MFN1: variants seen among roughly 807,000 people sequenced by gnomAD.
MFN1 encodes mitofusin-1.
In MFN1, 65 loss-of-function variants were observed where a neutral mutation model predicts 92.4. That is an observed-to-expected ratio of 0.70 (90% CI 0.58 to 0.86). The LOEUF is 0.86. Ranked by LOEUF, MFN1 falls within the 40% of genes least tolerant of loss-of-function variation. MFN1 has a pLI of 0.00. For synonymous variants in MFN1, 297 were observed against 300.9 expected (o/e 0.99, Z 0.13); for missense variants, 781 against 868.0 (o/e 0.90, Z 1.26).
In MFN1 at chr3:179,367,485, A is replaced by T. The variant is rs1712840570; in HGVS notation, c.800A>T (p.Glu267Val). Residue 267 changes from glutamate to valine, a missense_variant, in exon 8 of 18, where the codon GAG becomes GTG. Transcript: ENST00000471841. ...MERCLHFLVE[E>V]LKVVNALEAQ... ...AGATGCCTGCATTTCTTGGTGGAGG[A>T]GCTCAAAGTTGTAAATGCTTTAGAA... is the stretch of plus-strand genomic sequence containing the variant. The T allele has an allele frequency of 6.2e-7, 1 of 1,613,324 alleles. No individual in the cohort carries two copies. Among genetic ancestry groups the T allele is most frequent in the Non-Finnish European group, 8.5e-7 (1 of 1,179,714 alleles).
At chr3:179,359,197 C>T (rs1273853625) in intron 4 of MFN1, among the ~76,000 whole-genome samples, 195 bp downstream of exon 4, 7 of 151,812 alleles carry the variant, frequency 4.6e-5, no homozygotes, top group African/African-American at 1.2e-4. Flanking sequence ...CTCGGCTCAC[C>T]GCAACCTCTG....
rs1388612377 is a variant in MFN1 at position 179,394,483 on chromosome 3, T to A, written c.*2424T>A. On this transcript the variant is annotated 3_prime_UTR_variant, in exon 18 of 18. Coordinates refer to ENST00000471841, the MANE Select transcript of MFN1 (RefSeq NM_033540.3). ...CAGGCTGGAGTGCAGTGGCGCGATC[T>A]CGGCTCACTGCAAGCTCCGCCTCCC... is the stretch of plus-strand genomic sequence containing the variant. 7.2e-6 allele frequency: 1 copy of A among 139,014 alleles called. No individual in the cohort carries two copies. The highest frequency in any genetic ancestry group is 2.7e-5 in the African/African-American group (1 of 37,388). The allele number at this position is 139,014 out of a possible 1,614,324, so 8.6% of individuals were successfully genotyped here. A position where few individuals can be genotyped will look rare whatever the true frequency, so the allele number is the denominator to read the frequency against.
At chr3:179,372,005 C>A (rs914391053) in intron 9 of MFN1, among the ~76,000 whole-genome samples, 7 of 147,372 alleles carry the variant, frequency 4.7e-5, no homozygotes, top group African/African-American at 1.7e-4. Flanking sequence ...GGGGGTCATA[C>A]ATTTTATATA....
Position 179,390,063 on chromosome 3 carries a change from T to A in MFN1, c.2072T>A (p.Leu691Gln). The change falls in exon 17 of 18, where the codon CTG (leucine) becomes CAG (glutamine). Residue 691 changes from leucine (L) to glutamine (Q), a missense_variant. Physicochemically the swap from Leu to Gln is moderately radical, Grantham distance 113. Coordinates refer to ENST00000471841, the MANE Select transcript of MFN1 (RefSeq NM_033540.3). ...CQQVDITQKQ[L>Q]EEEIARLPKE... ...CAAGTTGATATTACTCAAAAACAGC[T>A]GGAAGAAGAAATTGCTAGATTACCC... The A allele has an allele frequency of 6.2e-7, 1 of 1,605,868 alleles. No homozygotes were observed. The highest frequency in any genetic ancestry group is 8.5e-7 in the Non-Finnish European group (1 of 1,177,820).
At chr3:179,362,208 T>A (rs992119301) in intron 4 of MFN1, 150 bp from the exon 5 acceptor site, 2 of 726,722 alleles carry the variant, frequency 2.8e-6, no homozygotes, top group East Asian at 3.4e-5. Context: ...ATTTAAAAAT[T>A]CAGGTTCTCA....
At chr3:179,368,157 A>G in intron 9 of MFN1, 54 bp downstream of exon 9, 1 of 1,356,812 alleles carries the variant, frequency 7.4e-7, no homozygotes, top group South Asian at 1.6e-5. Flanking sequence ...TTGGTTGGAG[A>G]AAGCATAATC....
chr3:179,369,171 C>G (rs1712922553), intron 9 of MFN1, among the ~76,000 whole-genome samples: 1 of 151,854 alleles, frequency 6.6e-6, no homozygotes, highest in African/African-American at 2.4e-5. Context: ...TGTTTTTTTT[C>G]TTTTCCTTTT....
At chr3:179,379,090 C>T (rs1220810349) in intron 14 of MFN1, among the ~76,000 whole-genome samples, 1 of 152,142 alleles carries the variant, frequency 6.6e-6, no homozygotes. Context: ...GCACACAACA[C>T]ACAGTTTATT....
rs1372303935 is a variant in MFN1 at position 179,377,186 on chromosome 3, C to T, written c.1224+18C>T. 6 of 1,605,590 alleles carry T rather than the reference C, an allele frequency of 3.7e-6. No individual in the cohort carries two copies. Among genetic ancestry groups the T allele is most frequent in the Non-Finnish European group, 5.1e-6 (6 of 1,177,138 alleles). On this transcript the variant is annotated intron_variant, in intron 11 of 17. Coordinates refer to ENST00000471841, the MANE Select transcript of MFN1 (RefSeq NM_033540.3). ...CAAACAAAGTGGGTAACAGTAGCTT[C>T]ATGATTAAAATAACCTGGATGGAAA...
At chr3:179,363,028 T>A (rs1323348442) in intron 5 of MFN1, among the ~76,000 whole-genome samples, 1 of 152,162 alleles carries the variant, frequency 6.6e-6, no homozygotes, top group Non-Finnish European at 1.5e-5. Context: ...AGATTGACAG[T>A]TGGATAGATA....
Position 179,362,413 on chromosome 3 carries a change from G to A in MFN1, c.467G>A (p.Cys156Tyr), listed in dbSNP as rs1414423913. The A allele has an allele frequency of 4.3e-6, 7 of 1,613,658 alleles. No individual in the cohort carries two copies. The Admixed American group carries it at 1.0e-4, about 23-fold the overall frequency. Residue 156 changes from cysteine to tyrosine, a missense_variant, in exon 5 of 18, where the codon TGT becomes TAT. Cys to Tyr is a radical substitution (Grantham distance 194, BLOSUM62 -2). Transcript: ENST00000471841. ...ATGGACAAAGATTTGAAAGCTGGCT[G>A]TCTTGTACGTGTGTTTTGGCCAAAA... ...LHMDKDLKAG[C>Y]LVRVFWPKAK...
chr3:179,360,159 A>G (rs1446293506), intron 4 of MFN1, among the ~76,000 whole-genome samples: 1 of 152,174 alleles, frequency 6.6e-6, no homozygotes, highest in Non-Finnish European at 1.5e-5. Flanking sequence ...CAGGTGATCC[A>G]CCTGCCTTGG....
At chr3:179,367,381 GT>G (rs1712835191) in intron 7 of MFN1, 57 bp from the exon 8 acceptor site, 1 of 1,471,528 alleles carries the variant, frequency 6.8e-7, no homozygotes, top group Non-Finnish European at 9.2e-7. Flanking sequence ...GTCTATAGTC[GT>G]TGGTTATTAT....
At chr3:179,385,486 C>T in intron 14 of MFN1, 83 bp from the exon 15 acceptor site, 1 of 1,266,062 alleles carries the variant, frequency 7.9e-7, no homozygotes, top group South Asian at 1.6e-5. Flanking sequence ...CATAGATGTG[C>T]TACTATAATT....
In MFN1 at chr3:179,358,971, C is replaced by T; in HGVS notation, c.380C>T (p.Thr127Ile). The T allele has an allele frequency of 2.5e-6, 4 of 1,613,646 alleles. No homozygotes were observed. Among genetic ancestry groups the T allele is most frequent in the African/African-American group, 1.3e-5 (1 of 74,938 alleles). The change falls in exon 4 of 18, where the codon ACA (threonine) becomes ATA (isoleucine). Residue 127 changes from threonine (T) to isoleucine (I), a missense_variant. Transcript: ENST00000471841. ...GATGGAGATAAAGCCTATCTTATGACAGAAGGATCAGATGAAAAAAAGAGT... is the reference window on the plus strand; with the variant it reads ...GATGGAGATAAAGCCTATCTTATGATAGAAGGATCAGATGAAAAAAAGAGT... ...GTDGDKAYLMTEGSDEKKSVK... is the reference protein window; with the variant it reads ...GTDGDKAYLMIEGSDEKKSVK...
chr3:179,371,058 G>A (rs1459897596), intron 9 of MFN1, among the ~76,000 whole-genome samples: 1 of 152,138 alleles, frequency 6.6e-6, no homozygotes, highest in Admixed American at 6.6e-5. Context: ...TTTGTGAAAA[G>A]AAAAACTGTA....
At chr3:179,356,688 G>A (rs1024012074) in intron 3 of MFN1, among the ~76,000 whole-genome samples, 2 of 152,006 alleles carry the variant, frequency 1.3e-5, no homozygotes, top group African/African-American at 2.4e-5. Context: ...TCTCACTTTA[G>A]TATGCATAAG....
intron 4 of MFN1, among the ~76,000 whole-genome samples, chr3:179,361,827 C>T (rs1180296145): frequency 2.0e-5 from 3 of 152,104 alleles, no homozygotes; most frequent in East Asian, 1.9e-4. Context: ...CATGAGCCAC[C>T]GCCCCCGGCC....
At chr3:179,351,794 G>A (rs112877695) in intron 2 of MFN1, 106 bp from the exon 3 acceptor site, 15 of 1,019,930 alleles carry the variant, frequency 1.5e-5, no homozygotes, top group African/African-American at 1.3e-4. Flanking sequence ...TGCTGTGGGT[G>A]GCATGTTAAC....
Sources: allele counts gnomAD v4.1 joint callset (sites outside exome capture counted in the v4.1 genomes callset), GRCh38; gene constraint gnomAD v4.1.1; transcripts MANE v1.5; gene names NCBI Gene and HGNC (gene_info 2026-07-23, HGNC 2026-07-21).